ZNF804B: variants seen among roughly 807,000 people sequenced by gnomAD.
ZNF804B encodes the protein zinc finger 804B.
In ZNF804B, 80 loss-of-function variants were observed where a neutral mutation model predicts 101.4. That is an observed-to-expected ratio of 0.79 (90% CI 0.66 to 0.95). The LOEUF (loss-of-function observed/expected upper bound fraction) is 0.95, where lower values mean the gene tolerates loss of function less well. ZNF804B is among the 40% of genes least tolerant of loss of function. The pLI is 0.00. For missense variants in ZNF804B, 1,673 were observed against 1,561.9 expected (o/e 1.07, Z -1.20); for synonymous variants, 622 against 558.8 (o/e 1.11, Z -1.59).
Position 88,772,015 on chromosome 7 carries a change from C to A in ZNF804B, c.108+11931C>A, listed in dbSNP as rs942601196. Among the ~76,000 whole-genome samples, 3 of 152,004 alleles carry A rather than the reference C, an allele frequency of 2.0e-5. No individual in the cohort carries two copies. The South Asian group carries it at 6.2e-4, about 31-fold the overall frequency. On this transcript the variant is annotated intron_variant, in intron 1 of 3. Coordinates refer to ENST00000333190, the MANE Select transcript of ZNF804B (RefSeq NM_181646.5). ...CACAAGCATGCATGAAGATAAAATA[C>A]AAATTTTTGTCACTATGGAAGCAGG...
intron 1 of ZNF804B, among the ~76,000 whole-genome samples, chr7:88,972,544 A>C (rs1199730599): frequency 6.6e-6 from 1 of 151,400 alleles, no homozygotes; most frequent in Admixed American, 6.6e-5. Context: ...GGATTGTGAT[A>C]GAAAAAAAGT....
At chr7:89,114,908 A>G (rs1790284563) in intron 1 of ZNF804B, among the ~76,000 whole-genome samples, 1 of 152,132 alleles carries the variant, frequency 6.6e-6, no homozygotes, top group Non-Finnish European at 1.5e-5. Flanking sequence ...AACTGCAAAA[A>G]ACAAAAACAA....
At position 88,816,254 on chromosome 7, in the gene ZNF804B, G is replaced by T. The variant is rs190244672; in HGVS notation, c.108+56170G>T. On this transcript the variant is annotated intron_variant, in intron 1 of 3. Transcript: ENST00000333190. ...CCTGTGTGGATGCTTCATTCACCTTGCTTAGACCTAAAACCATAAAAGCTG... is the reference window on the plus strand; with the variant it reads ...CCTGTGTGGATGCTTCATTCACCTTTCTTAGACCTAAAACCATAAAAGCTG... 7.1e-4 allele frequency among the ~76,000 whole-genome samples: 108 copies of T among 151,970 alleles called. No homozygotes were observed. In the South Asian group the frequency reaches 1.0e-2, roughly 14 times the overall value.
intron 1 of ZNF804B, among the ~76,000 whole-genome samples, chr7:89,210,356 G>A (rs184502256): frequency 1.8e-4 from 28 of 151,848 alleles, no homozygotes; most frequent in African/African-American, 4.8e-4. Context: ...TTTATTTTAC[G>A]TTCCTGGGTA....
intron 1 of ZNF804B, among the ~76,000 whole-genome samples, chr7:88,766,610 A>C (rs982955121): frequency 1.3e-5 from 2 of 152,210 alleles, no homozygotes; most frequent in Non-Finnish European, 2.9e-5. Context: ...CCTTAAAAGC[A>C]ACATGATATA....
intron 1 of ZNF804B, among the ~76,000 whole-genome samples, chr7:89,140,249 A>G (rs886146019): frequency 2.0e-5 from 3 of 152,156 alleles, no homozygotes; most frequent in Middle Eastern, 3.4e-3. Flanking sequence ...TCTTCCACAT[A>G]TAGAGCACAA....
chr7:89,048,059 C>G (rs1789139703), intron 1 of ZNF804B, among the ~76,000 whole-genome samples: 1 of 152,064 alleles, frequency 6.6e-6, no homozygotes, highest in Admixed American at 6.6e-5. Flanking sequence ...GAGAAGCATA[C>G]ACTGCACACT....
intron 1 of ZNF804B, among the ~76,000 whole-genome samples, chr7:89,146,746 C>T (rs1790795357): frequency 6.6e-6 from 1 of 151,792 alleles, no homozygotes; most frequent in Non-Finnish European, 1.5e-5. Context: ...AGATAATTGG[C>T]CAGGTGTGTT....
intron 1 of ZNF804B, among the ~76,000 whole-genome samples, chr7:88,829,770 T>C (rs1218211833): frequency 6.6e-6 from 1 of 152,144 alleles, no homozygotes; most frequent in Non-Finnish European, 1.5e-5. Context: ...TTGTTTCATA[T>C]AAAATCCTCT....
intron 1 of ZNF804B, among the ~76,000 whole-genome samples, chr7:88,898,738 A>G (rs549774342): frequency 1.1e-4 from 17 of 152,268 alleles, no homozygotes; most frequent in African/African-American, 4.1e-4. Flanking sequence ...TAGATGCCTC[A>G]CTGCCCTTTA....
chr7:89,195,018 T>A (rs1164082351), intron 1 of ZNF804B, among the ~76,000 whole-genome samples: 2 of 151,836 alleles, frequency 1.3e-5, no homozygotes, highest in Admixed American at 1.3e-4. Context: ...ATCCCTGGGA[T>A]GCAAGGCTGG....
Position 89,337,207 on chromosome 7 carries a change from T to A in ZNF804B, c.*175T>A, listed in dbSNP as rs1791111429. The A allele has an allele frequency of 2.7e-6, 2 of 735,938 alleles. No homozygotes were observed. Among genetic ancestry groups the A allele is most frequent in the Non-Finnish European group, 4.1e-6 (2 of 484,158 alleles). 45.6% of individuals were successfully genotyped at this position (735,938 alleles called of 1,614,324 possible). A position where few individuals can be genotyped will look rare whatever the true frequency, so the allele number is the denominator to read the frequency against. On this transcript the variant is annotated 3_prime_UTR_variant, in exon 4 of 4. Coordinates refer to ENST00000333190, the MANE Select transcript of ZNF804B (RefSeq NM_181646.5). ...TACTAAAACAAGAGCATTTTAATAA[T>A]TTTTTAGCTTGCCAAAATAATAGGC...
chr7:88,793,150 G>C (rs1475260562), intron 1 of ZNF804B, among the ~76,000 whole-genome samples: 1 of 152,090 alleles, frequency 6.6e-6, no homozygotes. Flanking sequence ...AAATATCATT[G>C]CAGTTTTCAA....
At chr7:88,799,122 C>T (rs999719206) in intron 1 of ZNF804B, among the ~76,000 whole-genome samples, 4 of 152,086 alleles carry the variant, frequency 2.6e-5, no homozygotes, top group Admixed American at 6.6e-5. Flanking sequence ...GTACACCTTA[C>T]TATTACTGAT....
intron 1 of ZNF804B, among the ~76,000 whole-genome samples, chr7:89,081,731 C>T (rs1053836885): frequency 1.3e-5 from 2 of 151,742 alleles, no homozygotes; most frequent in African/African-American, 4.8e-5. Context: ...TGCTCTCATT[C>T]TTTACTCCTT....
At chr7:88,843,374 A>G (rs891859733) in intron 1 of ZNF804B, among the ~76,000 whole-genome samples, 2 of 152,196 alleles carry the variant, frequency 1.3e-5, no homozygotes, top group Admixed American at 6.5e-5. Flanking sequence ...TAAAACATTC[A>G]TTAATTTCCT....
intron 1 of ZNF804B, among the ~76,000 whole-genome samples, chr7:89,125,180 A>G (rs1000599088): frequency 6.6e-6 from 1 of 151,910 alleles, no homozygotes; most frequent in African/African-American, 2.4e-5. Context: ...GCTGGCTGTC[A>G]CAGCTGTAAG....
chr7:88,805,546 G>C (rs1270374110), intron 1 of ZNF804B, among the ~76,000 whole-genome samples: 1 of 152,156 alleles, frequency 6.6e-6, no homozygotes. Context: ...ACTAGCAGTT[G>C]TGGACAATTG....
chr7:88,829,458 G>A (rs1791099506), intron 1 of ZNF804B, among the ~76,000 whole-genome samples: 1 of 151,998 alleles, frequency 6.6e-6, no homozygotes, highest in Admixed American at 6.6e-5. Context: ...GACAGTTGAA[G>A]GAGCAGCTAT....
Sources: gnomAD v4.1 joint callset for allele counts (sites outside exome capture counted in the v4.1 genomes callset) on GRCh38, gnomAD v4.1.1 for gene constraint, MANE v1.5 for transcripts, NCBI Gene and HGNC (gene_info 2026-07-23, HGNC 2026-07-21) for gene names.